Variants in RBPJ observed in about 807,000 individuals in gnomAD.
RBPJ encodes recombination signal binding protein for immunoglobulin kappa J region.
In RBPJ, 9 loss-of-function variants were observed where a neutral mutation model predicts 67.8. That is an observed-to-expected ratio of 0.13 (90% CI 0.08 to 0.23). RBPJ has a LOEUF of 0.23. Among genes scored for constraint, RBPJ ranks in the 10% least tolerant of loss-of-function variants. The pLI is 1.00. For synonymous variants in RBPJ, 198 were observed against 203.3 expected, an observed-to-expected ratio of 0.97 and a Z score of 0.22; for missense variants, 305 against 595.6, an observed-to-expected ratio of 0.51 and a Z score of 5.08.
intron 1 of RBPJ, among the ~76,000 whole-genome samples, chr4:26,199,399 GAAA>G (rs778104530): frequency 3.9e-5 from 6 of 152,188 alleles, no homozygotes; most frequent in Non-Finnish European, 8.8e-5. Flanking sequence ...AGTGAGGAAA[GAAA>G]AGGTTGATAA....
intron 1 of RBPJ, among the ~76,000 whole-genome samples, chr4:26,292,781 A>ATG (rs1721715261): frequency 6.7e-6 from 1 of 150,048 alleles, no homozygotes; most frequent in Non-Finnish European, 1.5e-5. Context: ...GTGTGTGTGT[A>ATG]TGTGTGAGGT....
rs139818131 is a variant in RBPJ, at chr4:26,403,838, A to G, written c.60-2337A>G. Among the ~76,000 whole-genome samples the G allele has an allele frequency of 3.0e-3, 462 of 152,222 alleles. 2 individuals carry two copies. Among genetic ancestry groups the G allele is most frequent in the African/African-American group, 0.011 (439 of 41,526 alleles). On this transcript the variant is annotated intron_variant, in intron 2 of 10. Transcript: ENST00000355476. Reference sequence around the variant, plus strand: ...CATTGCTATTGCAAATAGTGCTGCAATGAACATTCCTGTGCATGTGTCTCT... The same window carrying G: ...CATTGCTATTGCAAATAGTGCTGCAGTGAACATTCCTGTGCATGTGTCTCT...
chr4:26,271,177 A>G (rs530658206), intron 1 of RBPJ, among the ~76,000 whole-genome samples: 1 of 152,268 alleles, frequency 6.6e-6, no homozygotes, highest in Non-Finnish European at 1.5e-5. Context: ...AGTAGCTGGA[A>G]CTACAGATGC....
At chr4:26,158,755 C>T (rs997621521), upstream of RBPJ, among the ~76,000 whole-genome samples, 5 of 152,150 alleles carry the variant, frequency 3.3e-5, no homozygotes, top group East Asian at 1.9e-4. Context: ...ATTGTAAAAC[C>T]ATGTGTCATC....
intron 1 of RBPJ, among the ~76,000 whole-genome samples, chr4:26,222,548 T>C (rs1304463166): frequency 6.7e-6 from 1 of 148,180 alleles, no homozygotes; most frequent in African/African-American, 2.5e-5. Context: ...TTTCCAGTTA[T>C]CCTGATTTGA....
At chr4:26,354,711 A>G (rs1727178613) in intron 1 of RBPJ, among the ~76,000 whole-genome samples, 1 of 152,168 alleles carries the variant, frequency 6.6e-6, no homozygotes, top group Non-Finnish European at 1.5e-5. Context: ...TGGCCTCCCA[A>G]AGTGCTGCAG....
chr4:26,287,499 G>A (rs113384448), intron 1 of RBPJ, among the ~76,000 whole-genome samples: 4,479 of 149,762 alleles, frequency 0.03, 92 homozygotes, highest in Non-Finnish European at 0.045. Flanking sequence ...GCTACAGTAA[G>A]TTGTAATCAT....
chr4:26,176,732 T>G (rs1042036314), intron 1 of RBPJ, among the ~76,000 whole-genome samples: 2 of 152,204 alleles, frequency 1.3e-5, no homozygotes, highest in Admixed American at 1.3e-4. Context: ...TCACATTACA[T>G]TCGTTTAACA....
intron 1 of RBPJ, among the ~76,000 whole-genome samples, chr4:26,297,908 T>C (rs190869500): frequency 1.6e-4 from 25 of 152,160 alleles, no homozygotes; most frequent in Admixed American, 1.6e-3. Flanking sequence ...AATGTTGCCT[T>C]AATTTTTTTT....
At chr4:26,172,188 C>T (rs1377626606) in intron 1 of RBPJ, among the ~76,000 whole-genome samples, 9 of 152,138 alleles carry the variant, frequency 5.9e-5, no homozygotes, top group African/African-American at 2.2e-4. Flanking sequence ...ATACAGACAG[C>T]CCCTGAGTCA....
chr4:26,307,957 A>G (rs567244954), intron 1 of RBPJ, among the ~76,000 whole-genome samples: 1 of 152,354 alleles, frequency 6.6e-6, no homozygotes, highest in South Asian at 2.1e-4. Context: ...AATATCTAAC[A>G]TGGAGTCTTG....
chr4:26,378,946 A>T (rs1730033251), intron 1 of RBPJ, among the ~76,000 whole-genome samples: 1 of 152,054 alleles, frequency 6.6e-6, no homozygotes, highest in African/African-American at 2.4e-5. Flanking sequence ...GAATTGCTTG[A>T]ACCCAGGAGG....
the RBPJ span, among the ~76,000 whole-genome samples, chr4:26,153,832 G>A: frequency 2.0e-5 from 3 of 152,156 alleles, no homozygotes; most frequent in Non-Finnish European, 4.4e-5. Context: ...TTTTCCACCT[G>A]TGCATCGTGT....
chr4:26,332,836 G>A (rs116115251), intron 1 of RBPJ, among the ~76,000 whole-genome samples: 1,956 of 152,158 alleles, frequency 0.013, 52 homozygotes, highest in African/African-American at 0.045. Flanking sequence ...TTGTAGAGAC[G>A]GAGTCTCTCA....
At chr4:26,238,747 A>G (rs772237116) in intron 1 of RBPJ, among the ~76,000 whole-genome samples, 11 of 152,120 alleles carry the variant, frequency 7.2e-5, no homozygotes, top group East Asian at 1.9e-4. Flanking sequence ...AGAGCTTCCC[A>G]GAAGTGGTGG....
At chr4:26,382,470 C>CATA (rs1181397159) in intron 1 of RBPJ, among the ~76,000 whole-genome samples, 1 of 152,078 alleles carries the variant, frequency 6.6e-6, no homozygotes, top group Non-Finnish European at 1.5e-5. Context: ...AATGTGTATC[C>CATA]CTATGGAGAT....
chr4:26,305,567 A>G (rs956217463), intron 1 of RBPJ, among the ~76,000 whole-genome samples: 1 of 151,994 alleles, frequency 6.6e-6, no homozygotes, highest in Non-Finnish European at 1.5e-5. Context: ...TAAGTACTTT[A>G]TTTATTTAAT....
rs1447411389 is a variant in RBPJ at position 26,336,665 on chromosome 4, A to G, written c.20+15617A>G. On this transcript the variant is annotated intron_variant, in intron 1 of 10. Transcript: ENST00000355476. ...ACCTTGTTTCTTTACCAAAAAAAAAAAAAAAATTTCTTTAGAAATTTAAGT... is the reference window on the plus strand; with the variant it reads ...ACCTTGTTTCTTTACCAAAAAAAAAGAAAAAATTTCTTTAGAAATTTAAGT... Among the ~76,000 whole-genome samples the G allele has an allele frequency of 4.0e-5, 6 of 151,854 alleles. No individual in the cohort carries two copies. In the East Asian group the frequency reaches 1.2e-3, roughly 29 times the overall value.
chr4:26,231,442 A>G (rs1279594052), intron 1 of RBPJ, among the ~76,000 whole-genome samples: 3 of 145,692 alleles, frequency 2.1e-5, no homozygotes, highest in Non-Finnish European at 3.0e-5. Flanking sequence ...ACAGAGTTTC[A>G]CTCTCGTTGC....
Sources: gnomAD v4.1 joint callset for allele counts (sites outside exome capture counted in the v4.1 genomes callset) on GRCh38, gnomAD v4.1.1 for gene constraint, MANE v1.5 for transcripts, NCBI Gene and HGNC (gene_info 2026-07-23, HGNC 2026-07-21) for gene names.